The following TNRC18 variants were observed in gnomAD, a reference collection of about 807,000 sequenced individuals.
The protein encoded by TNRC18 is trinucleotide repeat-containing gene 18 protein.
In TNRC18, 69 loss-of-function variants were observed where a neutral mutation model predicts 226.7. The observed-to-expected ratio is 0.30, with a 90% CI of 0.25 to 0.37. The LOEUF (loss-of-function observed/expected upper bound fraction) is 0.37. Ranked by LOEUF, TNRC18 falls within the 10% of genes least tolerant of loss-of-function variation. The probability of loss-of-function intolerance (pLI) is 1.00; values close to 1 mark genes in which losing one functional copy is unlikely to be tolerated. For synonymous variants in TNRC18, 2,449 were observed against 1,927.6 expected (o/e 1.27, Z -7.09); for missense variants, 4,754 against 4,256.6 (o/e 1.12, Z -3.25).
rs762337242 is a variant in TNRC18 at position 5,361,580 on chromosome 7, G to C, written c.4661+14C>G. 7.3e-5 allele frequency: 109 copies of C among 1,499,418 alleles called. 1 individual carries two copies. The South Asian group carries it at 9.9e-4, about 14-fold the overall frequency. The allele number at this position is 1,499,418 out of a possible 1,614,324, so 92.9% of individuals were successfully genotyped here. A position where few individuals can be genotyped will look rare whatever the true frequency, so the allele number is the denominator to read the frequency against. ...TGTGTGCCAGTCCCCGACCCACCGA[G>C]GGGCCAGCCTTACTTTCCGCTACTG... On this transcript the variant is annotated intron_variant, in intron 14 of 29. Coordinates refer to ENST00000430969, the MANE Select transcript of TNRC18 (RefSeq NM_001080495.3).
rs531921623 is a variant in TNRC18, at chr7:5,310,428, G to A, written c.8389-1060C>T. Among the ~76,000 whole-genome samples, 7 of 152,142 alleles carry A rather than the reference G, an allele frequency of 4.6e-5. No homozygotes were observed. In the South Asian group the frequency reaches 1.5e-3, roughly 32 times the overall value. ...TGTGTGTATTTTTAGTAGAGACGGG[G>A]TTTCACCATGTTGGCAGGGTGGTCT... On this transcript the variant is annotated intron_variant, in intron 27 of 29. Transcript: ENST00000430969.
intron 13 of TNRC18, 40 bp from the exon 14 acceptor site, chr7:5,361,762 C>T (rs779249203): frequency 3.3e-5 from 51 of 1,549,062 alleles, no homozygotes; most frequent in Non-Finnish European, 4.1e-5. Flanking sequence ...CGCTGGGGGG[C>T]GGGCGGGGCG....
chr7:5,327,440 T>C (rs1177039290), intron 19 of TNRC18, among the ~76,000 whole-genome samples: 1 of 151,846 alleles, frequency 6.6e-6, no homozygotes, highest in East Asian at 1.9e-4. Flanking sequence ...TTGTTGCTGC[T>C]GAACTCTTTA....
intron 18 of TNRC18, 45 bp downstream of exon 18, chr7:5,345,517 G>GGGGGGGGGCCCCCCCCCCCCCCCC: frequency 6.1e-5 from 23 of 377,712 alleles, no homozygotes; most frequent in Non-Finnish European, 9.2e-5. Context: ...AATGGCGTCC[G>GGGGGGGGGCCCCCCCCCCCCCCCC]CCCCTCCCAC....
intron 18 of TNRC18, among the ~76,000 whole-genome samples, chr7:5,341,629 T>G (rs551056517): frequency 6.6e-6 from 1 of 151,558 alleles, no homozygotes; most frequent in Non-Finnish European, 1.5e-5. Context: ...CCACATGTGG[T>G]GGTGCACGCC....
intron 27 of TNRC18, among the ~76,000 whole-genome samples, chr7:5,311,120 G>A (rs1277692487): frequency 6.6e-6 from 1 of 152,276 alleles, no homozygotes; most frequent in Admixed American, 6.5e-5. Flanking sequence ...GCATTCACAT[G>A]TACATCTGCA....
At chr7:5,422,112 C>T (rs953539601) in intron 1 of TNRC18, among the ~76,000 whole-genome samples, 5 of 152,050 alleles carry the variant, frequency 3.3e-5, no homozygotes, top group African/African-American at 1.2e-4. Context: ...TTTCTCCCCC[C>T]GGGGGGCACT....
chr7:5,368,653 A>AG (rs1230849574), intron 11 of TNRC18, among the ~76,000 whole-genome samples: 1 of 103,892 alleles, frequency 9.6e-6, no homozygotes, highest in Non-Finnish European at 1.8e-5. Context: ...TGACAGAGTG[A>AG]GACTCTGTCT....
At chr7:5,345,517 G>GGGGGGGGGCGCCCCCCCC in intron 18 of TNRC18, 45 bp downstream of exon 18, 1 of 377,744 alleles carries the variant, frequency 2.6e-6, no homozygotes, top group Non-Finnish European at 4.8e-6. Flanking sequence ...AATGGCGTCC[G>GGGGGGGGGCGCCCCCCCC]CCCCTCCCAC....
intron 21 of TNRC18, among the ~76,000 whole-genome samples, chr7:5,322,115 T>C (rs1788430832): frequency 1.3e-5 from 2 of 151,904 alleles, no homozygotes; most frequent in South Asian, 4.1e-4. Context: ...CTGTCTCTAC[T>C]AAAAACACAA....
At chr7:5,345,065 C>G (rs916822990) in intron 18 of TNRC18, among the ~76,000 whole-genome samples, 1 of 152,208 alleles carries the variant, frequency 6.6e-6, no homozygotes, top group Non-Finnish European at 1.5e-5. Context: ...GCCTGTCCCA[C>G]CCGTTCTCCC....
intron 13 of TNRC18, 59 bp from the exon 14 acceptor site, chr7:5,361,781 G>T (rs117910193): frequency 6.5e-7 from 1 of 1,540,994 alleles, no homozygotes; most frequent in Admixed American, 2.0e-5. Context: ...CGCGGAGAAC[G>T]GGCACACGAT....
At chr7:5,332,588 C>T in intron 19 of TNRC18, 34 bp downstream of exon 19, 3 of 1,506,478 alleles carry the variant, frequency 2.0e-6, no homozygotes, top group Non-Finnish European at 2.7e-6. Context: ...CCCAGGGACC[C>T]TTCTGCGGCA....
intron 24 of TNRC18, 89 bp from the exon 25 acceptor site, chr7:5,316,161 T>G: frequency 1.1e-6 from 1 of 906,418 alleles, no homozygotes; most frequent in East Asian, 2.7e-5. Context: ...AACCGGCCCC[T>G]GTGCAGCCCT....
At chr7:5,422,902 A>G (rs1389242855) in intron 1 of TNRC18, 1 of 151,958 alleles carries the variant, frequency 6.6e-6, no homozygotes, top group Admixed American at 6.6e-5. Context: ...TTTGTAAGAG[A>G]TTCTTTGGGT....
chr7:5,415,000 TAA>T (rs1042466782), intron 2 of TNRC18, among the ~76,000 whole-genome samples: 7 of 152,196 alleles, frequency 4.6e-5, no homozygotes, highest in African/African-American at 1.7e-4. Flanking sequence ...GACATTTTTT[TAA>T]GAGTCCAGAC....
At chr7:5,355,491 C>T (rs1396338788) in intron 16 of TNRC18, among the ~76,000 whole-genome samples, 2 of 152,162 alleles carry the variant, frequency 1.3e-5, no homozygotes, top group Non-Finnish European at 2.9e-5. Context: ...GTAGTGTGCG[C>T]CTATGGTCCC....
At chr7:5,360,967 A>G (rs958086194) in intron 14 of TNRC18, among the ~76,000 whole-genome samples, 17 of 151,328 alleles carry the variant, frequency 1.1e-4, no homozygotes, top group African/African-American at 3.9e-4. Context: ...CAACACTCCA[A>G]CCCCTTTCCT....
chr7:5,382,561 G>T (rs1779472994), intron 5 of TNRC18, among the ~76,000 whole-genome samples: 1 of 152,102 alleles, frequency 6.6e-6, no homozygotes, highest in Admixed American at 6.5e-5. Context: ...GGGGGGGAGT[G>T]ACTGGATAGA....
Sources: gnomAD v4.1 joint callset for allele counts (sites outside exome capture counted in the v4.1 genomes callset) on GRCh38, gnomAD v4.1.1 for gene constraint, MANE v1.5 for transcripts, NCBI Gene and HGNC (gene_info 2026-07-23, HGNC 2026-07-21) for gene names.